The following SNTG2 variants were observed in gnomAD, a reference collection of about 807,000 sequenced individuals.
SNTG2 encodes the protein syntrophin gamma 2, also known as gamma-2-syntrophin.
SNTG2 carries 74 observed loss-of-function variants against 70.9 expected under a neutral mutation model. The observed-to-expected ratio is 1.04, with a 90% CI of 0.86 to 1.27. The LOEUF is 1.27. SNTG2 is among the 50% of genes most tolerant of loss of function. The pLI is 0.00. For missense variants in SNTG2, 717 were observed against 690.7 expected (o/e 1.04, Z -0.43); for synonymous variants, 278 against 273.8 (o/e 1.02, Z -0.15).
chr2:952,195 C>T (rs1306950506), intron 1 of SNTG2, among the ~76,000 whole-genome samples: 2 of 152,138 alleles, frequency 1.3e-5, no homozygotes, highest in Non-Finnish European at 2.9e-5. Flanking sequence ...CACTGTTGCC[C>T]ATGGTAATCA....
At chr2:1,106,076 C>CA (rs1353272876) in intron 4 of SNTG2, among the ~76,000 whole-genome samples, 58 of 130,326 alleles carry the variant, frequency 4.5e-4, no homozygotes, top group South Asian at 6.8e-4. Flanking sequence ...ATAGTGGACA[C>CA]CTGCTGTCAC....
At chr2:1,217,989 C>T (rs1357874339) in intron 9 of SNTG2, among the ~76,000 whole-genome samples, 1 of 152,004 alleles carries the variant, frequency 6.6e-6, no homozygotes, top group African/African-American at 2.4e-5. Flanking sequence ...GGCTGTGTTC[C>T]CATCTTCAAG....
intron 14 of SNTG2, among the ~76,000 whole-genome samples, chr2:1,279,832 T>G (rs1679442256): frequency 6.6e-6 from 1 of 152,220 alleles, no homozygotes; most frequent in South Asian, 2.1e-4. Flanking sequence ...CTGAGCACCA[T>G]AGCTAGATAC....
At chr2:1,358,613 G>A (rs569013076) in intron 16 of SNTG2, among the ~76,000 whole-genome samples, 78 of 151,926 alleles carry the variant, frequency 5.1e-4, no homozygotes, top group Middle Eastern at 3.4e-3. Context: ...TGATCCATTC[G>A]TTCCCCAAGA....
intron 16 of SNTG2, among the ~76,000 whole-genome samples, chr2:1,356,794 T>G (rs942472033): frequency 6.6e-6 from 1 of 152,186 alleles, no homozygotes; most frequent in Non-Finnish European, 1.5e-5. Context: ...GACTTACAAT[T>G]CATTAACGTG....
intron 14 of SNTG2, among the ~76,000 whole-genome samples, chr2:1,291,004 T>C (rs1313038601): frequency 6.6e-6 from 1 of 152,222 alleles, no homozygotes; most frequent in African/African-American, 2.4e-5. Flanking sequence ...CATCACTTGT[T>C]ATTTTCTGTT....
rs149338003 is a variant in SNTG2 at position 1,042,141 on chromosome 2, C to T, written c.73-41377C>T. Among the ~76,000 whole-genome samples, 623 of 152,290 alleles carry T rather than the reference C, an allele frequency of 4.1e-3. 4 individuals are homozygous for T. The highest frequency in any genetic ancestry group is 0.014 in the African/African-American group (577 of 41,564). On this transcript the variant is annotated intron_variant, in intron 1 of 16. Transcript: ENST00000308624. The stretch of plus-strand genomic sequence containing the variant: ...AATTATGAATGCATATTAGAACTAA[C>T]GACAGATACCAAATTTTCTTTTTTA...
intron 8 of SNTG2, among the ~76,000 whole-genome samples, chr2:1,179,922 A>C (rs987106761): frequency 1.0e-4 from 14 of 140,654 alleles, no homozygotes; most frequent in African/African-American, 3.6e-4. Context: ...GTGTATCTAC[A>C]ACTATCTGAT....
chr2:1,293,402 C>T (rs541307001), intron 14 of SNTG2, among the ~76,000 whole-genome samples: 7 of 151,544 alleles, frequency 4.6e-5, no homozygotes, highest in South Asian at 2.1e-4. Flanking sequence ...TCTAGATTTG[C>T]GTTTAGCGTG....
At chr2:1,222,536 TGCTGGATCGCTGTAGA>T (rs1675363936) in intron 9 of SNTG2, among the ~76,000 whole-genome samples, 1 of 107,266 alleles carries the variant, frequency 9.3e-6, no homozygotes, top group Non-Finnish European at 1.9e-5. Flanking sequence ...CTGCTGGAGG[TGCTGGATCGCTGTAGA>T]GGAAAGCGGT....
chr2:1,309,716 C>T (rs1680887275), intron 15 of SNTG2, among the ~76,000 whole-genome samples: 1 of 152,234 alleles, frequency 6.6e-6, no homozygotes, highest in Non-Finnish European at 1.5e-5. Flanking sequence ...GTCATTGTTC[C>T]CCTCCAGGGC....
At chr2:1,277,550 A>T (rs926136032) in intron 14 of SNTG2, among the ~76,000 whole-genome samples, 1 of 152,214 alleles carries the variant, frequency 6.6e-6, no homozygotes, top group African/African-American at 2.4e-5. Flanking sequence ...TTTTATATGC[A>T]CCCAGAAACC....
chr2:1,124,163 T>TA (rs1667553003), intron 4 of SNTG2, among the ~76,000 whole-genome samples: 2 of 152,224 alleles, frequency 1.3e-5, no homozygotes, highest in African/African-American at 2.4e-5. Context: ...AGGTCATAGA[T>TA]ATGTTAACCA....
Position 983,650 on chromosome 2 carries a change from A to C in SNTG2, c.72+32582A>C, listed in dbSNP as rs1661206971. 2.0e-5 allele frequency among the ~76,000 whole-genome samples: 3 copies of C among 152,092 alleles called. No homozygotes were observed. In the South Asian group the frequency reaches 6.2e-4, roughly 31 times the overall value. ...AGTGGCTCCCGTTGCCCCAGGATGA[A>C]CTCTGAGCTCCTAAGTGTACGCTGA... On this transcript the variant is annotated intron_variant, in intron 1 of 16. Coordinates refer to ENST00000308624, the MANE Select transcript of SNTG2 (RefSeq NM_018968.4).
chr2:1,202,402 C>G (rs907805272), intron 8 of SNTG2, among the ~76,000 whole-genome samples: 1 of 151,652 alleles, frequency 6.6e-6, no homozygotes, highest in Non-Finnish European at 1.5e-5. Flanking sequence ...TAAAGAAACA[C>G]TGATATATTA....
chr2:1,065,306 G>GTGGGTGACCATATAGTTAATT (rs1180979538), intron 1 of SNTG2, among the ~76,000 whole-genome samples: 2 of 152,068 alleles, frequency 1.3e-5, no homozygotes, highest in Admixed American at 1.3e-4. Flanking sequence ...TCTGTTCTAG[G>GTGGGTGACCATATAGTTAATT]TGGGTGACCA....
At chr2:1,261,658 C>T (rs1296795119) in intron 13 of SNTG2, among the ~76,000 whole-genome samples, 1 of 152,112 alleles carries the variant, frequency 6.6e-6, no homozygotes, top group African/African-American at 2.4e-5. Context: ...AAAGATACCC[C>T]ATTAAATTTT....
intron 6 of SNTG2, among the ~76,000 whole-genome samples, chr2:1,138,109 C>T (rs974927309): frequency 6.6e-6 from 1 of 152,210 alleles, no homozygotes; most frequent in African/African-American, 2.4e-5. Flanking sequence ...GTGACTCACC[C>T]GGGATTCCTG....
intron 1 of SNTG2, among the ~76,000 whole-genome samples, chr2:1,022,041 C>T (rs570441548): frequency 1.2e-4 from 17 of 146,816 alleles, no homozygotes; most frequent in Admixed American, 4.9e-4. Context: ...TTTTAGTACA[C>T]TAGTTACACG....
Sources: allele counts gnomAD v4.1 joint callset (sites outside exome capture counted in the v4.1 genomes callset), GRCh38; gene constraint gnomAD v4.1.1; transcripts MANE v1.5; gene names NCBI Gene and HGNC (gene_info 2026-07-23, HGNC 2026-07-21).